NIPBL: variants seen among roughly 807,000 people sequenced by gnomAD.
NIPBL encodes NIPBL cohesin loading factor.
NIPBL carries 19 observed loss-of-function variants against 321.8 expected under a neutral mutation model. That is an observed-to-expected ratio of 0.06 (90% CI 0.04 to 0.09). The LOEUF is 0.09. Among genes scored for constraint, NIPBL ranks in the 10% least tolerant of loss-of-function variants. NIPBL has a pLI of 1.00. For missense variants in NIPBL, 2,210 were observed against 3,327.0 expected (o/e 0.66, Z 8.26); for synonymous variants, 1,106 against 1,114.1 (o/e 0.99, Z 0.14).
intron 1 of NIPBL, among the ~76,000 whole-genome samples, chr5:36,919,306 T>G (rs1748733028): frequency 6.6e-6 from 1 of 152,072 alleles, no homozygotes. Flanking sequence ...TCCATATATT[T>G]CAGTTGACAT....
At chr5:36,979,771 A>G (rs191610169) in intron 9 of NIPBL, among the ~76,000 whole-genome samples, 3 of 151,878 alleles carry the variant, frequency 2.0e-5, no homozygotes, top group African/African-American at 7.2e-5. Context: ...CGCATATCAA[A>G]TGAAAAAAGT....
At chr5:36,968,845 G>A (rs971301921) in intron 6 of NIPBL, among the ~76,000 whole-genome samples, 2 of 152,090 alleles carry the variant, frequency 1.3e-5, no homozygotes, top group Admixed American at 6.5e-5. Flanking sequence ...GATAAGAAGC[G>A]TTAAACTATG....
At chr5:37,045,701 C>A in intron 37 of NIPBL, 104 bp downstream of exon 37, 1 of 1,219,092 alleles carries the variant, frequency 8.2e-7, no homozygotes, top group East Asian at 2.3e-5. Context: ...TTAGAGTAGT[C>A]TGGTTTAATG....
In NIPBL at chr5:37,064,531, T is replaced by C; in HGVS notation, c.8054T>C (p.Leu2685Ser). Reference sequence around the variant, plus strand: ...TCCCCCCTCCCAATGTTTTAGTCATTGAGAAGGTCAAAACGAAATTCAGAC... The same window carrying C: ...TCCCCCCTCCCAATGTTTTAGTCATCGAGAAGGTCAAAACGAAATTCAGAC... Reference protein sequence around the residue: ...EDRGGGTSGSLRRSKRNSDST... With the variant: ...EDRGGGTSGSSRRSKRNSDST... Residue 2685 changes from leucine (L) to serine (S), a missense_variant, in exon 47 of 47, where the codon TTG becomes TCG. Coordinates refer to ENST00000282516, the MANE Select transcript of NIPBL (RefSeq NM_133433.4). The C allele has an allele frequency of 6.2e-7, 1 of 1,613,012 alleles. No individual in the cohort carries two copies. Among genetic ancestry groups the C allele is most frequent in the Non-Finnish European group, 8.5e-7 (1 of 1,180,014 alleles).
chr5:37,024,774 G>T, intron 30 of NIPBL, 55 bp downstream of exon 30: 1 of 1,362,810 alleles, frequency 7.3e-7, no homozygotes, highest in Non-Finnish European at 1.0e-6. Flanking sequence ...TAAGTTAAAT[G>T]TTTATTGCAC....
chr5:36,892,845 A>C (rs568818565), intron 1 of NIPBL, among the ~76,000 whole-genome samples: 2 of 152,198 alleles, frequency 1.3e-5, no homozygotes, highest in South Asian at 2.1e-4. Context: ...GCTAAATGAC[A>C]AGTTAATGGG....
At chr5:36,944,089 GGA>G (rs145837082) in intron 1 of NIPBL, among the ~76,000 whole-genome samples, 1,790 of 152,126 alleles carry the variant, frequency 0.012, 31 homozygotes, top group African/African-American at 0.041. Context: ...AGCCATTGTT[GGA>G]GAGAGATCAT....
At position 37,000,383 on chromosome 5, in the gene NIPBL, A is replaced by G; in HGVS notation, c.3315A>G (p.Lys1105=). The change falls in exon 12 of 47, where the codon AAA becomes AAG. Residue 1105 remains lysine (K), a synonymous_variant. Transcript: ENST00000282516. ...DSDEAFESSR[K]RHKKDDDKAW... is the part of the protein sequence containing the mutation. ...GGGATTTGCTTCTAGCCTCTAGGAA[A>G]CGACATAAAAAAGATGATGATAAAG... 1 of 1,612,784 alleles carries G rather than the reference A, an allele frequency of 6.2e-7. No homozygotes were observed. Among genetic ancestry groups the G allele is most frequent in the Non-Finnish European group, 8.5e-7 (1 of 1,179,162 alleles).
chr5:37,036,448 C>T lies in NIPBL; in HGVS notation c.5932C>T (p.Leu1978=), dbSNP rs1389928995. ...KKACTQLVDN[L]VEHILKYEES... The stretch of plus-strand genomic sequence containing the variant: ...AGCTTGTACTCAACTTGTTGATAAC[C>T]TAGTTGAGCACATTCTTAAATATGA... Residue 1978 remains leucine, a synonymous_variant, in exon 33 of 47, where the codon CTA becomes TTA. Transcript: ENST00000282516. 2 of 1,469,892 alleles carry T rather than the reference C, an allele frequency of 1.4e-6. No individual in the cohort carries two copies. The highest frequency in any genetic ancestry group is 9.1e-7 in the Non-Finnish European group (1 of 1,101,698). The allele number at this position is 1,469,892 out of a possible 1,614,324, so 91.1% of individuals were successfully genotyped here. A position where few individuals can be genotyped will look rare whatever the true frequency, so the allele number is the denominator to read the frequency against.
At chr5:37,012,393 C>T (rs1024024105) in intron 21 of NIPBL, among the ~76,000 whole-genome samples, 1 of 148,350 alleles carries the variant, frequency 6.7e-6, no homozygotes, top group Non-Finnish European at 1.5e-5. Context: ...CTTTGATATC[C>T]TGAATCAGTA....
At position 37,045,577 on chromosome 5, in the gene NIPBL, G is replaced by T. The variant is rs147054690; in HGVS notation, c.6478G>T (p.Asp2160Tyr). The T allele has an allele frequency of 2.3e-5, 37 of 1,613,928 alleles. No individual in the cohort carries two copies. In the African/African-American group the frequency reaches 4.7e-4, roughly 20 times the overall value. ...LCRHFDFDLE[D>Y]FKGNSKVNIK... ...TCGGCATTTTGATTTTGATCTGGAAGATTTTAAAGGCAACAGCAAGGTAAA... is the reference window on the plus strand; with the variant it reads ...TCGGCATTTTGATTTTGATCTGGAATATTTTAAAGGCAACAGCAAGGTAAA... Residue 2160 changes from aspartate (D) to tyrosine (Y), a missense_variant, in exon 37 of 47, where the codon GAT becomes TAT. Transcript: ENST00000282516.
intron 32 of NIPBL, among the ~76,000 whole-genome samples, chr5:37,035,990 A>G (rs1258653755): frequency 1.3e-5 from 2 of 152,180 alleles, no homozygotes; most frequent in Non-Finnish European, 2.9e-5. Context: ...TGCAATTCAG[A>G]TGCAGTTATT....
At chr5:37,045,698 A>T (rs1340589393) in intron 37 of NIPBL, 101 bp downstream of exon 37, 12 of 1,235,666 alleles carry the variant, frequency 9.7e-6, no homozygotes, top group Non-Finnish European at 1.4e-5. Context: ...ACATTAGAGT[A>T]GTCTGGTTTA....
At chr5:37,050,146 T>A (rs1291111999) in intron 40 of NIPBL, among the ~76,000 whole-genome samples, 2 of 152,096 alleles carry the variant, frequency 1.3e-5, no homozygotes, top group African/African-American at 4.8e-5. Flanking sequence ...TTATTATATA[T>A]GCCTTTTAAA....
rs757080818 is a variant in NIPBL, at chr5:37,045,538, G to A, written c.6439G>A (p.Val2147Ile). ...KPALLRSLFT[V>I]GALCRHFDFD... ...AGCACTTCTTAGATCCCTTTTCACC[G>A]TTGGAGCACTATGTCGGCATTTTGA... is the stretch of plus-strand genomic sequence containing the variant. Residue 2147 changes from valine to isoleucine, a missense_variant, in exon 37 of 47, where the codon GTT (valine) becomes ATT (isoleucine). Coordinates refer to ENST00000282516, the MANE Select transcript of NIPBL (RefSeq NM_133433.4). 1.9e-5 allele frequency: 30 copies of A among 1,613,828 alleles called. No homozygotes were observed. Among genetic ancestry groups the A allele is most frequent in the South Asian group, 7.7e-5 (7 of 91,066 alleles).
At chr5:36,976,458 G>T in intron 9 of NIPBL, 56 bp downstream of exon 9, 1 of 1,579,034 alleles carries the variant, frequency 6.3e-7, no homozygotes, top group South Asian at 1.1e-5. Context: ...TAATTATAGT[G>T]TCAAAAATTT....
intron 31 of NIPBL, 111 bp downstream of exon 31, chr5:37,026,438 T>C: frequency 1.4e-6 from 1 of 721,958 alleles, no homozygotes; most frequent in Non-Finnish European, 2.5e-6. Flanking sequence ...ATCTTGACAT[T>C]TCGTACTGCT....
chr5:36,888,747 C>T (rs1746102474), intron 1 of NIPBL, among the ~76,000 whole-genome samples: 2 of 152,020 alleles, frequency 1.3e-5, no homozygotes, highest in South Asian at 4.1e-4. Flanking sequence ...AGAAATTACC[C>T]CTCCAGCCCA....
intron 1 of NIPBL, among the ~76,000 whole-genome samples, chr5:36,950,822 T>C (rs1331084449): frequency 6.6e-6 from 1 of 152,182 alleles, no homozygotes; most frequent in East Asian, 1.9e-4. Context: ...GGGTTGTGTT[T>C]GTTCATGTTT....
Sources: gnomAD v4.1 joint callset for allele counts (sites outside exome capture counted in the v4.1 genomes callset) on GRCh38, gnomAD v4.1.1 for gene constraint, MANE v1.5 for transcripts, NCBI Gene and HGNC (gene_info 2026-07-23, HGNC 2026-07-21) for gene names.